PLAG1: variants seen among roughly 807,000 people sequenced by gnomAD.
The protein encoded by PLAG1 is zinc finger protein PLAG1.
In PLAG1, 7 loss-of-function variants were observed where a neutral mutation model predicts 35.5. The ratio of observed to expected loss-of-function variants is 0.20; its 90% confidence interval spans 0.11 to 0.37. The LOEUF (loss-of-function observed/expected upper bound fraction) is 0.37, where lower values mean the gene tolerates loss of function less well. PLAG1 is among the 10% of genes least tolerant of loss of function. PLAG1 has a pLI of 1.00. For synonymous variants in PLAG1, 229 were observed against 225.4 expected (o/e 1.02, Z -0.14); for missense variants, 454 against 602.8 (o/e 0.75, Z 2.58).
intron 1 of PLAG1, among the ~76,000 whole-genome samples, chr8:56,206,928 C>A (rs1258776183): frequency 6.6e-6 from 1 of 151,862 alleles, no homozygotes; most frequent in Admixed American, 6.6e-5. Context: ...TGAAACTCTT[C>A]CCTTACTCAA....
At position 56,166,255 on chromosome 8, in the gene PLAG1, T is replaced by G. The variant is rs182997597; in HGVS notation, c.1491A>C (p.Gln497His). 6.3e-7 allele frequency: 1 copy of G among 1,587,784 alleles called. No homozygotes were observed. Among genetic ancestry groups the G allele is most frequent in the South Asian group, 1.1e-5 (1 of 86,960 alleles). ...ATGTCCCAGAATCCTACTGAAAAGC[T>G]TGATGGAAACGTGGGAGGGTGGTAC... Reference protein sequence around the residue: ...STSTTLPRFHQAFQ With the variant: ...STSTTLPRFHHAFQ The change falls in exon 5 of 5, where the codon CAA becomes CAC. Residue 497 changes from glutamine to histidine, a missense_variant. Transcript: ENST00000316981.
intron 1 of PLAG1, among the ~76,000 whole-genome samples, chr8:56,189,655 A>G (rs1158712461): frequency 2.0e-5 from 3 of 152,212 alleles, no homozygotes; most frequent in Non-Finnish European, 4.4e-5. Flanking sequence ...CCACAAGGTA[A>G]GTATAGATTA....
chr8:56,171,028 T>C (rs533272299), intron 3 of PLAG1, 63 bp downstream of exon 3: 91 of 260,214 alleles, frequency 3.5e-4, no homozygotes, highest in African/African-American at 1.9e-3. Flanking sequence ...ATAATATGCA[T>C]ATCAGTCAAA....
chr8:56,176,381 T>C (rs905264175), intron 2 of PLAG1, among the ~76,000 whole-genome samples: 9 of 129,912 alleles, frequency 6.9e-5, no homozygotes, highest in African/African-American at 2.1e-4. Context: ...ATCCACAACT[T>C]AGAAGCACTT....
intron 1 of PLAG1, among the ~76,000 whole-genome samples, chr8:56,196,997 T>C (rs1812396350): frequency 7.0e-6 from 1 of 142,866 alleles, no homozygotes; most frequent in Non-Finnish European, 1.6e-5. Context: ...TGCTCCTCTC[T>C]CCCCTCCAGG....
At chr8:56,174,820 G>T (rs902552281) in intron 2 of PLAG1, among the ~76,000 whole-genome samples, 1 of 152,118 alleles carries the variant, frequency 6.6e-6, no homozygotes, top group African/African-American at 2.4e-5. Flanking sequence ...TATTTCATAT[G>T]CAGTACAGTA....
At chr8:56,199,115 A>G (rs1342987724) in intron 1 of PLAG1, among the ~76,000 whole-genome samples, 1 of 152,214 alleles carries the variant, frequency 6.6e-6, no homozygotes, top group Admixed American at 6.5e-5. Context: ...AAAAGTGTAC[A>G]CTGAGAAGTG....
At position 56,167,224 on chromosome 8, in the gene PLAG1, G is replaced by A. The variant is rs1454189319; in HGVS notation, c.522C>T (p.Gly174=). ...TTTCTTTAACCCCACCAGACGACTT[G>A]CCTGCATGAGATTTAAGGTGCTCCA... ...VLLEHLKSHA[G]KSSGGVKEKK... is the part of the protein sequence containing the mutation. The change falls in exon 5 of 5, where the codon GGC becomes GGT. Residue 174 remains glycine (G), a synonymous_variant. Coordinates refer to ENST00000316981, the MANE Select transcript of PLAG1 (RefSeq NM_002655.3). This position sits in a 1 kb window ranked among gnomAD's most constrained non-coding sequence, Gnocchi z 5.9. The A allele has an allele frequency of 6.2e-7, 1 of 1,614,034 alleles. No individual in the cohort carries two copies. The highest frequency in any genetic ancestry group is 1.7e-5 in the Admixed American group (1 of 60,000).
rs146172939 is a variant in PLAG1, at chr8:56,188,461, A to T, written c.-321-8948T>A. On this transcript the variant is annotated intron_variant, in intron 1 of 4. Coordinates refer to ENST00000316981, the MANE Select transcript of PLAG1 (RefSeq NM_002655.3). ...TCTTACACTCTTGTTTACCCCTTGA[A>T]GAAATGTTTCTAAACACTACATGCA... Among the ~76,000 whole-genome samples, 334 of 152,350 alleles carry T rather than the reference A, an allele frequency of 2.2e-3. 1 individual carries two copies. The highest frequency in any genetic ancestry group is 7.4e-3 in the African/African-American group (306 of 41,584).
At position 56,163,198 on chromosome 8, in the gene PLAG1, T is replaced by C. The variant is rs1368504307; in HGVS notation, c.*3045A>G. ...GCCCAAATTCTAAACTACTTTTATTTAATGTTAATCCCTTTTTTTTTTTTT... is the reference window on the plus strand; with the variant it reads ...GCCCAAATTCTAAACTACTTTTATTCAATGTTAATCCCTTTTTTTTTTTTT... On this transcript the variant is annotated 3_prime_UTR_variant, in exon 5 of 5. Coordinates refer to ENST00000316981, the MANE Select transcript of PLAG1 (RefSeq NM_002655.3). 1.5e-5 allele frequency: 3 copies of C among 197,328 alleles called. No homozygotes were observed. Among genetic ancestry groups the C allele is most frequent in the South Asian group, 1.9e-4 (1 of 5,166 alleles). The allele number at this position is 197,328 out of a possible 1,614,324, so 12.2% of individuals were successfully genotyped here. A position where few individuals can be genotyped will look rare whatever the true frequency, so the allele number is the denominator to read the frequency against.
chr8:56,169,763 T>C (rs2129225201), intron 3 of PLAG1, among the ~76,000 whole-genome samples: 1 of 152,316 alleles, frequency 6.6e-6, no homozygotes. Context: ...AGGCTGGTCT[T>C]GAACTCCAGG....
At chr8:56,184,068 T>C (rs1428681810) in intron 1 of PLAG1, among the ~76,000 whole-genome samples, 1 of 152,176 alleles carries the variant, frequency 6.6e-6, no homozygotes, top group Non-Finnish European at 1.5e-5. Context: ...GAACAACATC[T>C]CTGCAAAGCA....
At chr8:56,177,926 G>A (rs1000655117) in intron 2 of PLAG1, 2 of 365,932 alleles carry the variant, frequency 5.5e-6, no homozygotes, top group African/African-American at 2.2e-5. Context: ...CACCTGCTTC[G>A]GCAGACCTCA....
At chr8:56,190,703 C>G (rs1265219378) in intron 1 of PLAG1, among the ~76,000 whole-genome samples, 2 of 151,816 alleles carry the variant, frequency 1.3e-5, no homozygotes, top group Non-Finnish European at 2.9e-5. Context: ...CAGGAAGGAT[C>G]AGGTGGAGAG....
chr8:56,193,672 A>C (rs1258794343), intron 1 of PLAG1, among the ~76,000 whole-genome samples: 1 of 151,592 alleles, frequency 6.6e-6, no homozygotes. Flanking sequence ...AATGTTTAAC[A>C]GTCAGATCTT....
rs768369873 is a variant in PLAG1, at chr8:56,166,202, G to A, written c.*41C>T. 2.1e-6 allele frequency: 3 copies of A among 1,427,386 alleles called. No homozygotes were observed. Among genetic ancestry groups the A allele is most frequent in the South Asian group, 2.8e-5 (2 of 71,414 alleles). The allele number at this position is 1,427,386 out of a possible 1,614,324, so 88.4% of individuals were successfully genotyped here. ...AATAAAAATGGTCATCTAGGGCACA[G>A]CTACACATACATTTCTGTAATGAAT... On this transcript the variant is annotated 3_prime_UTR_variant, in exon 5 of 5. Transcript: ENST00000316981.
At position 56,163,210 on chromosome 8, in the gene PLAG1, CTTTTTTTTTTTTTTT is replaced by C. The variant is rs34779318; in HGVS notation, c.*3018_*3032del. ...AACTACTTTTATTTAATGTTAATCCCTTTTTTTTTTTTTTTTTTTTTTTTTTAACCAAGCTAAGGC... is the reference window on the plus strand; with the variant it reads ...AACTACTTTTATTTAATGTTAATCCCTTTTTTTTTTTAACCAAGCTAAGGC... On this transcript the variant is annotated 3_prime_UTR_variant, in exon 5 of 5. Coordinates refer to ENST00000316981, the MANE Select transcript of PLAG1 (RefSeq NM_002655.3). 2 of 97,200 alleles carry C rather than the reference CTTTTTTTTTTTTTTT, an allele frequency of 2.1e-5. No individual in the cohort carries two copies. The highest frequency in any genetic ancestry group is 5.0e-5 in the African/African-American group (1 of 19,908). The allele number at this position is 97,200 out of a possible 1,614,324, so 6.0% of individuals were successfully genotyped here.
At chr8:56,182,871 T>G (rs1223491876) in intron 1 of PLAG1, among the ~76,000 whole-genome samples, 2 of 152,192 alleles carry the variant, frequency 1.3e-5, no homozygotes, top group East Asian at 3.9e-4. Context: ...ATGGAGAGGC[T>G]TTTGCCCTGG....
Position 56,167,758 on chromosome 8 carries a change from C to G in PLAG1, c.243-255G>C, listed in dbSNP as rs1563373983. ...AAATGAGCAAGACTGAATATACTCA[C>G]GTAAACGTCCTTACCCTTTTCTTGT... On this transcript the variant is annotated intron_variant, in intron 4 of 4. Transcript: ENST00000316981. This position sits in a 1 kb window ranked among gnomAD's most constrained non-coding sequence, Gnocchi z 5.9. Among the ~76,000 whole-genome samples, 1 of 152,188 alleles carries G rather than the reference C, an allele frequency of 6.6e-6. No individual in the cohort carries two copies. Among genetic ancestry groups the G allele is most frequent in the Non-Finnish European group, 1.5e-5 (1 of 68,050 alleles).
Sources: allele counts gnomAD v4.1 joint callset (sites outside exome capture counted in the v4.1 genomes callset), GRCh38; gene constraint gnomAD v4.1.1; non-coding constraint Gnocchi (gnomAD v3.1); transcripts MANE v1.5; gene names NCBI Gene and HGNC (gene_info 2026-07-23, HGNC 2026-07-21).